Variants in HTRA1 observed in about 807,000 individuals in gnomAD.
The protein encoded by HTRA1 is HtrA serine peptidase 1.
In HTRA1, 26 loss-of-function variants were observed where a neutral mutation model predicts 49.7. The ratio of observed to expected loss-of-function variants is 0.52; its 90% CI spans 0.38 to 0.73. The LOEUF (loss-of-function observed/expected upper bound fraction) is 0.73, where lower values mean the gene tolerates loss of function less well. HTRA1 is among the 30% of genes least tolerant of loss of function. The pLI is 0.00. For missense variants in HTRA1, 561 were observed against 667.2 expected, an observed-to-expected ratio of 0.84 and a Z score of 1.75; for synonymous variants, 291 against 286.9, an observed-to-expected ratio of 1.01 and a Z score of -0.14.
intron 1 of HTRA1, among the ~76,000 whole-genome samples, chr10:122,488,178 T>C (rs1236247374): frequency 2.0e-5 from 3 of 152,268 alleles, no homozygotes; most frequent in South Asian, 2.1e-4. Context: ...GCCCCGGTGC[T>C]CTTTGCTCCT....
At chr10:122,467,274 G>A (rs574690663) in intron 1 of HTRA1, among the ~76,000 whole-genome samples, 1 of 152,320 alleles carries the variant, frequency 6.6e-6, no homozygotes, top group South Asian at 2.1e-4. Flanking sequence ...GGCCAACTGG[G>A]GCGGAGGGGC....
chr10:122,485,283 A>G (rs1030037418), intron 1 of HTRA1, among the ~76,000 whole-genome samples: 1 of 152,176 alleles, frequency 6.6e-6, no homozygotes, highest in African/African-American at 2.4e-5. Context: ...TAAGAATGGA[A>G]GTCAATGGTT....
intron 3 of HTRA1, among the ~76,000 whole-genome samples, chr10:122,501,496 A>G (rs997841620): frequency 7.9e-5 from 12 of 152,146 alleles, no homozygotes; most frequent in Non-Finnish European, 1.6e-4. Flanking sequence ...CATATTCCCC[A>G]GGCTTTGGAT....
At chr10:122,504,716 C>T (rs997345859) in intron 3 of HTRA1, among the ~76,000 whole-genome samples, 8 of 152,230 alleles carry the variant, frequency 5.3e-5, no homozygotes, top group South Asian at 2.1e-4. Context: ...CCCGCCTGCA[C>T]GCCATGAGTG....
At chr10:122,463,756 C>T (rs1030794476) in intron 1 of HTRA1, among the ~76,000 whole-genome samples, 2 of 152,230 alleles carry the variant, frequency 1.3e-5, no homozygotes, top group Non-Finnish European at 2.9e-5. Context: ...CAGCCTCATT[C>T]AGAGGAGTCA....
Position 122,494,378 on chromosome 10 carries a change from TC to T in HTRA1, c.777+4755del, listed in dbSNP as rs1191904113. On this transcript the variant is annotated intron_variant, in intron 3 of 8. Coordinates refer to ENST00000368984, the MANE Select transcript of HTRA1 (RefSeq NM_002775.5). The surrounding 1 kb of genome is among the most constrained non-coding windows in gnomAD (Gnocchi z 4.0). Reference sequence around the variant, plus strand: ...GCACCCGGGGCTCCTGCATCGAGCTTCCCTCCTATATTCAATGAGGAAATGA... The same window carrying T: ...GCACCCGGGGCTCCTGCATCGAGCTTCCTCCTATATTCAATGAGGAAATGA... 6.6e-6 allele frequency among the ~76,000 whole-genome samples: 1 copy of T among 152,068 alleles called. No homozygotes were observed. Among genetic ancestry groups the T allele is most frequent in the African/African-American group, 2.4e-5 (1 of 41,402 alleles).
At chr10:122,503,944 G>A (rs371483676) in intron 3 of HTRA1, among the ~76,000 whole-genome samples, 11 of 152,186 alleles carry the variant, frequency 7.2e-5, no homozygotes, top group African/African-American at 1.9e-4. Flanking sequence ...ACATTTCCTC[G>A]TCTGTGTTCA....
chr10:122,502,614 G>A (rs2097501409), intron 3 of HTRA1, among the ~76,000 whole-genome samples: 1 of 152,214 alleles, frequency 6.6e-6, no homozygotes, highest in Non-Finnish European at 1.5e-5. Context: ...TTAGCATTGT[G>A]AGTCCCTGCA....
intron 1 of HTRA1, among the ~76,000 whole-genome samples, chr10:122,476,430 G>A (rs1321524870): frequency 6.6e-6 from 1 of 152,214 alleles, no homozygotes; most frequent in Non-Finnish European, 1.5e-5. Context: ...TGTCTGGACA[G>A]GCCTACTCAC....
At position 122,514,209 on chromosome 10, in the gene HTRA1, CG is replaced by C. The variant is rs2097506916; in HGVS notation, c.1294del (p.Asp432ThrfsTer3). 5 of 1,613,846 alleles carry C rather than the reference CG, an allele frequency of 3.1e-6. No individual in the cohort carries two copies. The highest frequency in any genetic ancestry group is 4.2e-6 in the Non-Finnish European group (5 of 1,179,982). On this transcript the variant is annotated frameshift_variant, in exon 9 of 9. Coordinates refer to ENST00000368984, the MANE Select transcript of HTRA1 (RefSeq NM_002775.5). LOFTEE classifies it high-confidence loss of function. Reference protein sequence around the residue: ...PAEAGGLKENDVIISINGQSV... With the variant: ...PAEAGGLKENXVIISINGQSV... ...GTTGCAGTGGTGGTCTCAAGGAAAA[CG>C]ACGTCATAATCAGCATCAATGGACA...
At chr10:122,477,297 G>A (rs1039445717) in intron 1 of HTRA1, among the ~76,000 whole-genome samples, 4 of 152,094 alleles carry the variant, frequency 2.6e-5, no homozygotes, top group South Asian at 2.1e-4. Context: ...CCATGCTCGG[G>A]GCTGAAGGGG....
intron 7 of HTRA1, among the ~76,000 whole-genome samples, chr10:122,510,643 C>T (rs911192613): frequency 3.3e-5 from 5 of 152,148 alleles, no homozygotes; most frequent in Admixed American, 1.3e-4. Context: ...TTGTTTTCCC[C>T]GAGCTGGTGG....
chr10:122,501,589 C>G (rs1208008584), intron 3 of HTRA1, among the ~76,000 whole-genome samples: 16 of 152,168 alleles, frequency 1.1e-4, no homozygotes, highest in Admixed American at 1.0e-3. Flanking sequence ...CTGACCCCAC[C>G]GCATTCCTGA....
At chr10:122,501,961 GTTTTTTTTTTTTTTTTTTTT>G (rs541582341) in intron 3 of HTRA1, among the ~76,000 whole-genome samples, 9 of 73,494 alleles carry the variant, frequency 1.2e-4, no homozygotes, top group South Asian at 6.5e-4. Flanking sequence ...TCCATTTGGA[GTTTTTTTTTTTTTTTTTTTT>G]TTTTTTTTTT....
rs79369032 is a variant in HTRA1, at chr10:122,468,232, T to C, written c.472+6108T>C. Among the ~76,000 whole-genome samples the C allele has an allele frequency of 0.011, 1,672 of 152,250 alleles. 81 individuals are homozygous for C. The East Asian group carries it at 0.16, about 15-fold the overall frequency. On this transcript the variant is annotated intron_variant, in intron 1 of 8. Transcript: ENST00000368984. Reference sequence around the variant, plus strand: ...TTCTGGATGTGTGGTGTTTCTTGGGTGACTTCATCTCTAAGTCTCAGTTTC... The same window carrying C: ...TTCTGGATGTGTGGTGTTTCTTGGGCGACTTCATCTCTAAGTCTCAGTTTC...
intron 1 of HTRA1, among the ~76,000 whole-genome samples, chr10:122,478,213 A>C (rs1215266136): frequency 4.6e-5 from 7 of 152,192 alleles, no homozygotes; most frequent in Non-Finnish European, 1.0e-4. Context: ...ACTGGAAGAG[A>C]CATTAGAATG....
At position 122,487,169 on chromosome 10, in the gene HTRA1, G is replaced by A. The variant is rs2097493471; in HGVS notation, c.473-1733G>A. Reference sequence around the variant, plus strand: ...GTTTCCGAAAGCTTCCTGTCAATTCGTAGTGAGCAGCTAGCAGAGGAGTGC... The same window carrying A: ...GTTTCCGAAAGCTTCCTGTCAATTCATAGTGAGCAGCTAGCAGAGGAGTGC... On this transcript the variant is annotated intron_variant, in intron 1 of 8. Transcript: ENST00000368984. The surrounding 1 kb of genome is among the most constrained non-coding windows in gnomAD (Gnocchi z 4.8). Among the ~76,000 whole-genome samples the A allele has an allele frequency of 6.6e-6, 1 of 152,150 alleles. No individual in the cohort carries two copies. The highest frequency in any genetic ancestry group is 6.6e-5 in the Admixed American group (1 of 15,258).
chr10:122,488,069 T>C (rs982053223), intron 1 of HTRA1, among the ~76,000 whole-genome samples: 17 of 152,252 alleles, frequency 1.1e-4, no homozygotes, highest in Middle Eastern at 3.4e-3. Flanking sequence ...TCAGCTTGCC[T>C]TGGGGTGTCA....
chr10:122,471,958 G>A (rs2097486303), intron 1 of HTRA1, among the ~76,000 whole-genome samples: 1 of 152,182 alleles, frequency 6.6e-6, no homozygotes, highest in African/African-American at 2.4e-5. Context: ...GTTAGAAGAT[G>A]ACTAAAAGAC....
Sources: allele counts gnomAD v4.1 joint callset (sites outside exome capture counted in the v4.1 genomes callset), GRCh38; gene constraint gnomAD v4.1.1; non-coding constraint Gnocchi (gnomAD v3.1); transcripts MANE v1.5; gene names NCBI Gene and HGNC (gene_info 2026-07-23, HGNC 2026-07-21).